HSDL2: variants seen among roughly 807,000 people sequenced by gnomAD.
HSDL2 encodes hydroxysteroid dehydrogenase like 2, also known as hydroxysteroid dehydrogenase-like protein 2.
A neutral mutation model predicts 46.3 loss-of-function variants in HSDL2; 27 were observed. That is an observed-to-expected ratio of 0.58 (90% CI 0.43 to 0.80). HSDL2 has a LOEUF of 0.80. HSDL2 is among the 30% of genes least tolerant of loss of function. HSDL2 has a pLI of 0.00. For synonymous variants in HSDL2, 153 were observed against 163.6 expected (o/e 0.94, Z 0.50); for missense variants, 451 against 502.7 (o/e 0.90, Z 0.98).
chr9:112,421,456 C>T (rs1376566203), intron 6 of HSDL2, among the ~76,000 whole-genome samples: 1 of 152,172 alleles, frequency 6.6e-6, no homozygotes, highest in East Asian at 1.9e-4. Context: ...TGTTTCTGCT[C>T]CTAGGGTAGT....
chr9:112,457,465 AC>A (rs1384461372), intron 9 of HSDL2, among the ~76,000 whole-genome samples: 1 of 151,934 alleles, frequency 6.6e-6, no homozygotes, highest in Non-Finnish European at 1.5e-5. Flanking sequence ...ACATAGTGAG[AC>A]CCTGTCTCTA....
At chr9:112,432,470 G>T (rs1832428905) in intron 6 of HSDL2, among the ~76,000 whole-genome samples, 1 of 152,170 alleles carries the variant, frequency 6.6e-6, no homozygotes, top group Admixed American at 6.5e-5. Context: ...GAGTAAATGA[G>T]TGAATGAATG....
At position 112,438,474 on chromosome 9, in the gene HSDL2, C is replaced by T. The variant is rs748034970; in HGVS notation, c.642C>T (p.Ile214=). ...TGGATATGCTGGGAGGACCTGGTAT[C>T]GAAAGCCAGTGTAGAAAAGTTGATA... ...AAMDMLGGPG[I]ESQCRKVDII... is the part of the protein sequence containing the mutation. Residue 214 remains isoleucine (I), a synonymous_variant, in exon 7 of 11, where the codon ATC becomes ATT. Transcript: ENST00000398805. 1.2e-5 allele frequency: 20 copies of T among 1,609,434 alleles called. No individual in the cohort carries two copies. The highest frequency in any genetic ancestry group is 1.4e-5 in the Non-Finnish European group (17 of 1,178,296).
chr9:112,457,653 A>G (rs1468287981), intron 9 of HSDL2, among the ~76,000 whole-genome samples: 2 of 152,188 alleles, frequency 1.3e-5, no homozygotes, highest in Non-Finnish European at 2.9e-5. Flanking sequence ...TTAAAAAATT[A>G]AAAATCAAGC....
At chr9:112,464,022 G>C (rs1218486416) in intron 10 of HSDL2, among the ~76,000 whole-genome samples, 1 of 151,458 alleles carries the variant, frequency 6.6e-6, no homozygotes, top group Non-Finnish European at 1.5e-5. Flanking sequence ...TCATGTGTTT[G>C]ATAGCTACTT....
chr9:112,410,145 T>C (rs1164624036), intron 4 of HSDL2, among the ~76,000 whole-genome samples: 1 of 152,254 alleles, frequency 6.6e-6, no homozygotes, highest in African/African-American at 2.4e-5. Flanking sequence ...CGGGGAAATG[T>C]AGACTATCGA....
intron 8 of HSDL2, among the ~76,000 whole-genome samples, chr9:112,444,962 T>C (rs377710532): frequency 3.1e-4 from 46 of 150,326 alleles, no homozygotes; most frequent in African/African-American, 9.3e-4. Context: ...ACTGCAGCCC[T>C]CAAAGTCCTG....
intron 1 of HSDL2, among the ~76,000 whole-genome samples, chr9:112,381,436 A>G (rs1831092502): frequency 6.6e-6 from 1 of 151,946 alleles, no homozygotes; most frequent in South Asian, 2.1e-4. Flanking sequence ...ATCTCGGCTC[A>G]CTGCAGCCTC....
intron 10 of HSDL2, among the ~76,000 whole-genome samples, chr9:112,463,148 G>T (rs1388173557): frequency 6.6e-6 from 1 of 151,936 alleles, no homozygotes; most frequent in Non-Finnish European, 1.5e-5. Context: ...TATGGATATT[G>T]CTGCTATGAA....
chr9:112,380,657 TG>T (rs1466467911), intron 1 of HSDL2, among the ~76,000 whole-genome samples: 2 of 152,034 alleles, frequency 1.3e-5, no homozygotes, highest in Non-Finnish European at 2.9e-5. Context: ...TGGGTATCTT[TG>T]GGGGATTTTT....
Position 112,404,090 on chromosome 9 carries a change from T to G in HSDL2, c.113T>G (p.Val38Gly). 7 of 1,614,206 alleles carry G rather than the reference T, an allele frequency of 4.3e-6. No individual in the cohort carries two copies. The highest frequency in any genetic ancestry group is 5.9e-6 in the Non-Finnish European group (7 of 1,180,030). Residue 38 changes from valine to glycine, a missense_variant, in exon 2 of 11, where the codon GTT becomes GGT. Physicochemically the swap from Val to Gly is moderately radical, Grantham distance 109 (BLOSUM62 -3). Coordinates refer to ENST00000398805, the MANE Select transcript of HSDL2 (RefSeq NM_032303.5). The stretch of plus-strand genomic sequence containing the variant: ...GCAGCAAAGGATGGAGCAAATATTG[T>G]TATTGCTGCAAAGACCGCCCAGCCA... ...LKAAKDGANI[V>G]IAAKTAQPHP... is the part of the protein sequence containing the mutation.
At chr9:112,458,673 T>C (rs1833105254) in intron 9 of HSDL2, among the ~76,000 whole-genome samples, 2 of 152,036 alleles carry the variant, frequency 1.3e-5, no homozygotes, top group Admixed American at 1.3e-4. Context: ...TTAAATGCAT[T>C]CACATTGTTT....
At chr9:112,455,806 C>G (rs1357081608) in intron 9 of HSDL2, among the ~76,000 whole-genome samples, 1 of 152,190 alleles carries the variant, frequency 6.6e-6, no homozygotes, top group East Asian at 1.9e-4. Context: ...TAGAAACCTA[C>G]AGACAAAAAT....
intron 1 of HSDL2, among the ~76,000 whole-genome samples, chr9:112,388,116 A>AC (rs143590019): frequency 0.034 from 5,123 of 151,374 alleles, 219 homozygotes; most frequent in East Asian, 0.1. Flanking sequence ...CTGTGATTGC[A>AC]CCACTGTACT....
intron 1 of HSDL2, among the ~76,000 whole-genome samples, chr9:112,400,476 G>A (rs62569979): frequency 0.14 from 20,927 of 152,116 alleles, 1,829 homozygotes; most frequent in East Asian, 0.21. Context: ...GCGTGGTGGC[G>A]CATGCCTGTA....
At chr9:112,436,314 C>T (rs548692029) in intron 6 of HSDL2, among the ~76,000 whole-genome samples, 15 of 149,498 alleles carry the variant, frequency 1.0e-4, no homozygotes, top group Non-Finnish European at 2.1e-4. Context: ...AAAGTGTCTT[C>T]TAACTCAGTG....
intron 7 of HSDL2, 43 bp downstream of exon 7, chr9:112,438,668 A>G: frequency 8.4e-7 from 1 of 1,189,838 alleles, no homozygotes; most frequent in South Asian, 1.5e-5. Flanking sequence ...ACGTTTTTCC[A>G]TATTTTCTGC....
At chr9:112,429,145 T>C (rs1441476897) in intron 6 of HSDL2, among the ~76,000 whole-genome samples, 1 of 152,206 alleles carries the variant, frequency 6.6e-6, no homozygotes, top group Non-Finnish European at 1.5e-5. Context: ...GAGATCTGCC[T>C]GCCTTAGCCT....
In HSDL2 at chr9:112,388,737, G is replaced by A. The variant is rs185320381; in HGVS notation, c.17+8557G>A. 6.3e-3 allele frequency among the ~76,000 whole-genome samples: 950 copies of A among 151,258 alleles called. 13 individuals are homozygous for A. The highest frequency in any genetic ancestry group is 0.022 in the African/African-American group (898 of 41,034). On this transcript the variant is annotated intron_variant, in intron 1 of 10. Transcript: ENST00000398805. ...CCACTGCACTCTAACCTGGGCGACT[G>A]AGTGTGACTCCATCTTGGAAAAAAA...
Sources: gnomAD v4.1 joint callset for allele counts (sites outside exome capture counted in the v4.1 genomes callset) on GRCh38, gnomAD v4.1.1 for gene constraint, MANE v1.5 for transcripts, NCBI Gene and HGNC (gene_info 2026-07-23, HGNC 2026-07-21) for gene names.